The following ADAMTS18 variants were observed in gnomAD, a reference collection of about 807,000 sequenced individuals.
ADAMTS18 encodes the protein ADAM metallopeptidase with thrombospondin type 1 motif 18, also known as A disintegrin and metalloproteinase with thrombospondin motifs 18.
In ADAMTS18, 157 loss-of-function variants were observed where a neutral mutation model predicts 165.9. The observed-to-expected ratio is 0.95, with a 90% CI of 0.83 to 1.08. The LOEUF (loss-of-function observed/expected upper bound fraction) is 1.08, where lower values mean the gene tolerates loss of function less well. Ranked by LOEUF, ADAMTS18 falls within the 50% of genes least tolerant of loss-of-function variation. The pLI is 0.00. For synonymous variants in ADAMTS18, 782 were observed against 578.2 expected, an observed-to-expected ratio of 1.35 and a Z score of -5.06; for missense variants, 2,040 against 1,534.0, an observed-to-expected ratio of 1.33 and a Z score of -5.51.
chr16:77,429,812 C>T (rs1489848857), intron 3 of ADAMTS18, among the ~76,000 whole-genome samples: 1 of 152,112 alleles, frequency 6.6e-6, no homozygotes, highest in African/African-American at 2.4e-5. Flanking sequence ...TTATTCCCTG[C>T]CAGGAACTGC....
At chr16:77,386,558 C>G (rs76376361) in intron 3 of ADAMTS18, among the ~76,000 whole-genome samples, 8,329 of 152,236 alleles carry the variant, frequency 0.055, 292 homozygotes, top group Middle Eastern at 0.1. Context: ...GTGGCATAAG[C>G]TCTCCAGTTC....
intron 3 of ADAMTS18, among the ~76,000 whole-genome samples, chr16:77,409,814 G>C (rs563962366): frequency 6.6e-6 from 1 of 151,852 alleles, no homozygotes; most frequent in East Asian, 1.9e-4. Flanking sequence ...TGTGCTTTTG[G>C]AGTAAAGAAA....
chr16:77,329,504 T>C (rs1214764451), intron 12 of ADAMTS18, among the ~76,000 whole-genome samples: 1 of 152,208 alleles, frequency 6.6e-6, no homozygotes, highest in Non-Finnish European at 1.5e-5. Flanking sequence ...TTGTGACAAT[T>C]AACTGATCCA....
At chr16:77,415,113 T>C (rs2144836446) in intron 3 of ADAMTS18, among the ~76,000 whole-genome samples, 1 of 152,340 alleles carries the variant, frequency 6.6e-6, no homozygotes, top group East Asian at 1.9e-4. Flanking sequence ...CTAGATGCCA[T>C]AATACTCTGT....
At chr16:77,410,643 C>A (rs1161066718) in intron 3 of ADAMTS18, among the ~76,000 whole-genome samples, 1 of 152,184 alleles carries the variant, frequency 6.6e-6, no homozygotes, top group Non-Finnish European at 1.5e-5. Flanking sequence ...CTCGACCCCC[C>A]TACCATCTTG....
intron 3 of ADAMTS18, among the ~76,000 whole-genome samples, chr16:77,406,269 T>C (rs1042578089): frequency 7.9e-5 from 12 of 152,106 alleles, no homozygotes; most frequent in Admixed American, 3.3e-4. Flanking sequence ...ATGGTCAAAA[T>C]AGATGCTGAA....
At chr16:77,286,688 A>AGATGT (rs1298528300) in intron 22 of ADAMTS18, among the ~76,000 whole-genome samples, 1 of 151,980 alleles carries the variant, frequency 6.6e-6, no homozygotes, top group Admixed American at 6.6e-5. Context: ...CCCCATCTGA[A>AGATGT]GATGTGGGAT....
At chr16:77,284,117 C>CTT (rs765171113) in intron 22 of ADAMTS18, 46 bp from the exon 23 acceptor site, 10 of 1,284,582 alleles carry the variant, frequency 7.8e-6, no homozygotes, top group South Asian at 2.5e-5. Context: ...GGTGTCTATC[C>CTT]TTTTTCTTTT....
chr16:77,409,203 A>G (rs1318642286), intron 3 of ADAMTS18, among the ~76,000 whole-genome samples: 2 of 152,170 alleles, frequency 1.3e-5, no homozygotes, highest in African/African-American at 2.4e-5. Flanking sequence ...CTAAACATAT[A>G]TGCTATTTCC....
intron 3 of ADAMTS18, among the ~76,000 whole-genome samples, chr16:77,402,673 A>C (rs1216288392): frequency 1.3e-5 from 2 of 152,254 alleles, no homozygotes; most frequent in Non-Finnish European, 2.9e-5. Flanking sequence ...CAACTTGAAT[A>C]ATTAAAGACT....
intron 12 of ADAMTS18, among the ~76,000 whole-genome samples, chr16:77,326,809 G>C (rs1311239064): frequency 6.6e-6 from 1 of 152,200 alleles, no homozygotes; most frequent in Non-Finnish European, 1.5e-5. Context: ...TATACAGACT[G>C]TTTCATCACC....
At chr16:77,326,942 G>A (rs1389563712) in intron 12 of ADAMTS18, among the ~76,000 whole-genome samples, 2 of 152,162 alleles carry the variant, frequency 1.3e-5, no homozygotes, top group African/African-American at 4.8e-5. Flanking sequence ...GGAAGAATAT[G>A]TGACATTTGG....
intron 3 of ADAMTS18, among the ~76,000 whole-genome samples, chr16:77,412,663 T>C (rs1479640459): frequency 6.6e-6 from 1 of 152,108 alleles, no homozygotes; most frequent in Non-Finnish European, 1.5e-5. Flanking sequence ...ACGCACGTCT[T>C]ACATGGCAGC....
At chr16:77,391,761 G>T (rs373094391) in intron 3 of ADAMTS18, among the ~76,000 whole-genome samples, 3 of 152,114 alleles carry the variant, frequency 2.0e-5, no homozygotes, top group Non-Finnish European at 4.4e-5. Context: ...TAAACAGAAA[G>T]AAAAGGTATT....
At chr16:77,395,423 G>C (rs1247548485) in intron 3 of ADAMTS18, among the ~76,000 whole-genome samples, 1 of 152,120 alleles carries the variant, frequency 6.6e-6, no homozygotes, top group South Asian at 2.1e-4. Flanking sequence ...CTCCTACAGA[G>C]CATCTTGCAC....
At chr16:77,306,184 C>T (rs8053462) in intron 16 of ADAMTS18, among the ~76,000 whole-genome samples, 141,299 of 152,280 alleles carry the variant, frequency 0.93, 65,604 homozygotes, top group East Asian at 0.95. Flanking sequence ...ATGGAGTCTC[C>T]AATTTACAGC....
chr16:77,365,199 A>G (rs570947445), intron 4 of ADAMTS18, among the ~76,000 whole-genome samples: 2 of 152,326 alleles, frequency 1.3e-5, no homozygotes, highest in South Asian at 2.1e-4. Context: ...AACAAGCTAT[A>G]ATTCTAGTTA....
intron 9 of ADAMTS18, among the ~76,000 whole-genome samples, chr16:77,355,375 A>G (rs893480778): frequency 6.6e-6 from 1 of 152,212 alleles, no homozygotes; most frequent in Non-Finnish European, 1.5e-5. Flanking sequence ...TCATTTGGAC[A>G]TAAAGCTAGC....
intron 3 of ADAMTS18, among the ~76,000 whole-genome samples, chr16:77,421,765 C>T (rs757916608): frequency 2.3e-4 from 35 of 151,936 alleles, no homozygotes; most frequent in Non-Finnish European, 4.4e-4. Context: ...TCTCTCCCTA[C>T]CCTCCTCATA....
Sources: gnomAD v4.1 joint callset for allele counts (sites outside exome capture counted in the v4.1 genomes callset) on GRCh38, gnomAD v4.1.1 for gene constraint, MANE v1.5 for transcripts, NCBI Gene and HGNC (gene_info 2026-07-23, HGNC 2026-07-21) for gene names.